Variants in CDH13 observed in about 807,000 individuals in gnomAD.
CDH13 encodes cadherin-13.
Under a neutral mutation model 63.8 loss-of-function variants are expected in CDH13, and 24 were observed. The observed-to-expected ratio is 0.38, with a 90% CI of 0.27 to 0.53. CDH13 has a LOEUF of 0.53. Ranked by LOEUF, CDH13 falls within the 20% of genes least tolerant of loss-of-function variation. The probability of loss-of-function intolerance (pLI) is 0.85; values close to 1 mark genes in which losing one functional copy is unlikely to be tolerated. For synonymous variants in CDH13, 503 were observed against 355.3 expected (o/e 1.42, Z -4.67); for missense variants, 1,049 against 903.1 (o/e 1.16, Z -2.07).
chr16:83,782,428 G>A (rs1915590398), intron 12 of CDH13, among the ~76,000 whole-genome samples: 1 of 145,652 alleles, frequency 6.9e-6, no homozygotes, highest in African/African-American at 2.5e-5. Flanking sequence ...TGTGGACAGA[G>A]GATTGATCAA....
intron 2 of CDH13, among the ~76,000 whole-genome samples, chr16:82,868,508 T>A (rs2040230660): frequency 6.6e-6 from 1 of 152,226 alleles, no homozygotes; most frequent in Non-Finnish European, 1.5e-5. Flanking sequence ...TTAGAGATCC[T>A]TCCATTGGAC....
intron 7 of CDH13, among the ~76,000 whole-genome samples, chr16:83,516,839 G>A (rs1402792059): frequency 6.6e-6 from 1 of 152,228 alleles, no homozygotes; most frequent in African/African-American, 2.4e-5. Context: ...TGTACAACAG[G>A]TGGATTCCCA....
At chr16:82,852,019 A>G (rs1033274353) in intron 1 of CDH13, among the ~76,000 whole-genome samples, 1 of 152,226 alleles carries the variant, frequency 6.6e-6, no homozygotes, top group Admixed American at 6.5e-5. Flanking sequence ...AGGAAAGCAT[A>G]AAGGATCCCA....
At chr16:83,774,791 TG>T (rs1272792070) in intron 11 of CDH13, among the ~76,000 whole-genome samples, 1 of 152,108 alleles carries the variant, frequency 6.6e-6, no homozygotes, top group Non-Finnish European at 1.5e-5. Context: ...GGAAGGGGAA[TG>T]GGGACTTGGT....
rs1431177263 is a variant in CDH13, at chr16:82,966,141, A to G, written c.158-65869A>G. 3.3e-5 allele frequency among the ~76,000 whole-genome samples: 5 copies of G among 151,636 alleles called. No homozygotes were observed. In the East Asian group the frequency reaches 9.8e-4, roughly 30 times the overall value. On this transcript the variant is annotated intron_variant, in intron 2 of 13. Transcript: ENST00000567109. ...CTGAGAAGTAGATACTATTTTTCCTATTTTTGTTTGTTTGTTTGTTTGTTT... is the reference window on the plus strand; with the variant it reads ...CTGAGAAGTAGATACTATTTTTCCTGTTTTTGTTTGTTTGTTTGTTTGTTT...
intron 4 of CDH13, among the ~76,000 whole-genome samples, chr16:83,184,022 A>G (rs2038430996): frequency 6.6e-6 from 1 of 151,148 alleles, no homozygotes; most frequent in East Asian, 2.0e-4. Context: ...CACTGATTGT[A>G]GAGGGGGCAG....
chr16:83,069,583 C>G (rs537886361), intron 3 of CDH13, among the ~76,000 whole-genome samples: 1 of 152,266 alleles, frequency 6.6e-6, no homozygotes, highest in Admixed American at 6.5e-5. Flanking sequence ...AGCCAAGATT[C>G]AAACTCAGGA....
intron 4 of CDH13, among the ~76,000 whole-genome samples, chr16:83,144,720 A>G (rs923089439): frequency 6.6e-6 from 1 of 152,218 alleles, no homozygotes; most frequent in African/African-American, 2.4e-5. Context: ...AAAATCACAT[A>G]AGAGTCCAAC....
chr16:82,815,842 G>C (rs1021280579), intron 1 of CDH13, among the ~76,000 whole-genome samples: 3 of 152,134 alleles, frequency 2.0e-5, no homozygotes, highest in Non-Finnish European at 4.4e-5. Context: ...ATAGTTCACG[G>C]ATGCTTTTAA....
At chr16:83,045,634 T>TAAAAAAAAAAAAAAA (rs71382861) in intron 3 of CDH13, among the ~76,000 whole-genome samples, 3 of 107,954 alleles carry the variant, frequency 2.8e-5, no homozygotes, top group African/African-American at 1.1e-4. Context: ...AAGATTCCTT[T>TAAAAAAAAAAAAAAA]AAAAAAAAAA....
chr16:82,911,724 C>A (rs1017396801), intron 2 of CDH13, among the ~76,000 whole-genome samples: 1 of 152,136 alleles, frequency 6.6e-6, no homozygotes, highest in Non-Finnish European at 1.5e-5. Flanking sequence ...CCTTCCCTTA[C>A]GGCCCCTTAC....
At chr16:83,030,258 T>C (rs965724521) in intron 2 of CDH13, among the ~76,000 whole-genome samples, 1 of 152,192 alleles carries the variant, frequency 6.6e-6, no homozygotes, top group Non-Finnish European at 1.5e-5. Context: ...ACTGAACTCG[T>C]TGGAACTGGG....
chr16:82,785,510 C>A (rs1183369917), intron 1 of CDH13, among the ~76,000 whole-genome samples: 2 of 152,108 alleles, frequency 1.3e-5, no homozygotes, highest in East Asian at 1.9e-4. Flanking sequence ...GTTCTAATGC[C>A]GGTGGAGAGA....
chr16:83,454,983 T>A (rs1246152896), intron 6 of CDH13, among the ~76,000 whole-genome samples: 8 of 152,204 alleles, frequency 5.3e-5, no homozygotes, highest in Non-Finnish European at 1.2e-4. Context: ...GTGCTGAGAT[T>A]ACAGGCATGA....
intron 2 of CDH13, among the ~76,000 whole-genome samples, chr16:82,870,766 A>G (rs930029855): frequency 5.3e-5 from 8 of 152,224 alleles, no homozygotes; most frequent in African/African-American, 1.7e-4. Context: ...ATATACAACT[A>G]TTATGTACCC....
intron 10 of CDH13, among the ~76,000 whole-genome samples, chr16:83,683,686 A>G (rs1904276245): frequency 6.6e-6 from 1 of 152,222 alleles, no homozygotes; most frequent in Admixed American, 6.5e-5. Context: ...GGGTATGCTT[A>G]TAGTGAAATT....
chr16:83,448,767 G>A (rs971671569), intron 6 of CDH13, among the ~76,000 whole-genome samples: 1 of 152,134 alleles, frequency 6.6e-6, no homozygotes, highest in Non-Finnish European at 1.5e-5. Context: ...GTGGTGGGGA[G>A]GAGTGAAAGG....
chr16:82,875,732 A>G (rs1459160361), intron 2 of CDH13, among the ~76,000 whole-genome samples: 1 of 152,242 alleles, frequency 6.6e-6, no homozygotes, highest in Non-Finnish European at 1.5e-5. Context: ...AATGATAAGT[A>G]TGATTCAAAG....
chr16:83,357,722 G>A (rs2091083802), intron 6 of CDH13, among the ~76,000 whole-genome samples: 2 of 152,316 alleles, frequency 1.3e-5, no homozygotes, highest in South Asian at 2.1e-4. Flanking sequence ...CAAAATGTCA[G>A]TAGTGCCAAT....
Sources: allele counts gnomAD v4.1 joint callset (sites outside exome capture counted in the v4.1 genomes callset), GRCh38; gene constraint gnomAD v4.1.1; transcripts MANE v1.5; gene names NCBI Gene and HGNC (gene_info 2026-07-23, HGNC 2026-07-21).